The following HIGD1C variants were observed in gnomAD, a reference collection of about 807,000 sequenced individuals.
HIGD1C encodes the protein HIG1 domain family member 1C.
A neutral mutation model predicts 13.1 loss-of-function variants in HIGD1C; 11 were observed. The observed-to-expected ratio is 0.84, with a 90% CI of 0.53 to 1.39. HIGD1C has a LOEUF of 1.39. Among genes scored for constraint, HIGD1C ranks in the 40% most tolerant of loss-of-function variants. The pLI, the probability that HIGD1C is intolerant of heterozygous loss-of-function variation, is 0.00. For synonymous variants in HIGD1C, 36 were observed against 37.7 expected (o/e 0.95, Z 0.17); for missense variants, 110 against 112.0 (o/e 0.98, Z 0.08).
intron 1 of HIGD1C, among the ~76,000 whole-genome samples, chr12:50,958,294 T>C (rs1939187324): frequency 6.6e-6 from 1 of 151,344 alleles, no homozygotes; most frequent in African/African-American, 2.4e-5. Flanking sequence ...TTTTTTTTTT[T>C]TTTTTTAGAC....
chr12:50,941,049 G>A, the HIGD1C span, among the ~76,000 whole-genome samples: 5 of 151,964 alleles, frequency 3.3e-5, no homozygotes, highest in Non-Finnish European at 4.4e-5. Context: ...ACAAAAAACC[G>A]AGATGAGGTC....
intron 2 of HIGD1C, among the ~76,000 whole-genome samples, chr12:50,965,671 C>G (rs1031181697): frequency 6.6e-6 from 1 of 152,192 alleles, no homozygotes; most frequent in Non-Finnish European, 1.5e-5. Flanking sequence ...GTAGGCCACA[C>G]TCATTCTACC....
At chr12:50,970,886 TTTTA>T (rs1358659716), downstream of HIGD1C, among the ~76,000 whole-genome samples, 72 of 151,806 alleles carry the variant, frequency 4.7e-4, no homozygotes, top group African/African-American at 1.6e-3. Flanking sequence ...TTTTATTTTA[TTTTA>T]TTTTTTGAGA....
At chr12:50,952,557 CT>C (rs1188869785), upstream of HIGD1C, among the ~76,000 whole-genome samples, 5 of 152,288 alleles carry the variant, frequency 3.3e-5, no homozygotes, top group Middle Eastern at 0.01. Flanking sequence ...ACCGACCCAC[CT>C]CAAGAGCCAC....
chr12:50,953,924 T>C, exon 1 of HIGD1C: 1 of 832,458 alleles, frequency 1.2e-6, no homozygotes, highest in Non-Finnish European at 2.0e-6. Flanking sequence ...AAGAGTATGA[T>C]GGGAGAGGAA....
At chr12:50,961,172 T>C in intron 2 of HIGD1C, 70 bp downstream of exon 4, 7 of 1,460,112 alleles carry the variant, frequency 4.8e-6, no homozygotes, top group East Asian at 4.6e-5. Context: ...TATTCATTCA[T>C]AGTAGAAGAT....
rs182147710 is a variant in HIGD1C at position 50,969,023 on chromosome 12, G to A, written c.230-1419G>A. 5.7e-4 allele frequency among the ~76,000 whole-genome samples: 86 copies of A among 152,078 alleles called. No individual in the cohort carries two copies. The East Asian group carries it at 0.015, about 26-fold the overall frequency. On this transcript the variant is annotated intron_variant, in intron 2 of 2. Coordinates refer to ENST00000398455, the Ensembl canonical transcript of HIGD1C. Reference sequence around the variant, plus strand: ...ATAAATGCACAGTTTAGCTGGGCACGGTGGCTCACGCCTATAATCCTAGCA... The same window carrying A: ...ATAAATGCACAGTTTAGCTGGGCACAGTGGCTCACGCCTATAATCCTAGCA...
upstream of HIGD1C, chr12:50,949,289 CT>C: frequency 6.5e-6 from 1 of 154,080 alleles, no homozygotes; most frequent in Non-Finnish European, 1.5e-5. Flanking sequence ...GGAAATTTGC[CT>C]TGCCTTTGTC....
chr12:50,969,719 A>C (rs112743288), intron 2 of HIGD1C, among the ~76,000 whole-genome samples: 4,799 of 151,540 alleles, frequency 0.032, 261 homozygotes, highest in African/African-American at 0.11. Flanking sequence ...AAAAAAACAA[A>C]AACAAAACGT....
intron 2 of HIGD1C, among the ~76,000 whole-genome samples, chr12:50,962,013 C>A (rs1253412799): frequency 6.6e-6 from 1 of 152,158 alleles, no homozygotes; most frequent in Non-Finnish European, 1.5e-5. Context: ...AGTCCCTACC[C>A]TTAAACAGTT....
the HIGD1C span, among the ~76,000 whole-genome samples, chr12:50,936,217 T>G: frequency 6.6e-6 from 1 of 152,116 alleles, no homozygotes; most frequent in African/African-American, 2.4e-5. Context: ...GGAATAATCC[T>G]TTTATTCCAT....
the HIGD1C span, among the ~76,000 whole-genome samples, chr12:50,936,665 T>C: frequency 6.6e-6 from 1 of 152,210 alleles, no homozygotes; most frequent in African/African-American, 2.4e-5. Flanking sequence ...TCCTCCACCA[T>C]TTCACTGTGA....
chr12:50,937,133 G>GGATTTTT, the HIGD1C span, among the ~76,000 whole-genome samples: 3 of 152,222 alleles, frequency 2.0e-5, no homozygotes, highest in African/African-American at 7.2e-5. Context: ...CTTCTGACAA[G>GGATTTTT]GATTTTTTTG....
At chr12:50,942,071 T>C in the HIGD1C span, among the ~76,000 whole-genome samples, 1 of 151,952 alleles carries the variant, frequency 6.6e-6, no homozygotes. Flanking sequence ...TTGGTAGAGA[T>C]GGGTTTCGCC....
At chr12:50,956,507 A>C (rs1342710038) in intron 1 of HIGD1C, among the ~76,000 whole-genome samples, 2 of 152,250 alleles carry the variant, frequency 1.3e-5, no homozygotes, top group African/African-American at 4.8e-5. Flanking sequence ...GGTAACTTAC[A>C]AAACATTTTT....
the HIGD1C span, among the ~76,000 whole-genome samples, chr12:50,948,876 G>C: frequency 6.4e-5 from 1 of 15,692 alleles, no homozygotes; most frequent in East Asian, 6.0e-3. Flanking sequence ...GGGGGGAGGG[G>C]AGGGGGAGGG....
rs1302565662 is a variant in HIGD1C at position 50,960,949 on chromosome 12, A to G, written c.95-19A>G. 3.2e-6 allele frequency: 5 copies of G among 1,548,784 alleles called. No homozygotes were observed. The Admixed American group carries it at 9.9e-5, about 31-fold the overall frequency. ...CCTGCCTCAGCCTTCCAAATAACCCATACTTTTAAAATTCACAGGTATAGC... is the reference window on the plus strand; with the variant it reads ...CCTGCCTCAGCCTTCCAAATAACCCGTACTTTTAAAATTCACAGGTATAGC... On this transcript the variant is annotated intron_variant, in intron 1 of 2. Transcript: ENST00000398455.
At chr12:50,952,767 G>GCGCA (rs2139778782), upstream of HIGD1C, among the ~76,000 whole-genome samples, 1 of 152,354 alleles carries the variant, frequency 6.6e-6, no homozygotes, top group East Asian at 1.9e-4. Flanking sequence ...ACTGCAGGGA[G>GCGCA]CGCACCTCCT....
intron 2 of HIGD1C, among the ~76,000 whole-genome samples, chr12:50,962,494 G>C (rs1418704395): frequency 6.6e-6 from 1 of 152,046 alleles, no homozygotes; most frequent in East Asian, 1.9e-4. Flanking sequence ...AGGGTCAGGA[G>C]TTCAAGACCA....
Sources: allele counts gnomAD v4.1 joint callset (sites outside exome capture counted in the v4.1 genomes callset), GRCh38; gene constraint gnomAD v4.1.1; transcripts MANE v1.5; gene names NCBI Gene and HGNC (gene_info 2026-07-23, HGNC 2026-07-21).